RSU1: variants seen among roughly 807,000 people sequenced by gnomAD.
RSU1 encodes Ras suppressor protein 1.
Under a neutral mutation model 31.1 loss-of-function variants are expected in RSU1, and 26 were observed. That is an observed-to-expected ratio of 0.84 (90% CI 0.61 to 1.16). The LOEUF (loss-of-function observed/expected upper bound fraction) is 1.16. Among genes scored for constraint, RSU1 ranks in the 50% most tolerant of loss-of-function variants. RSU1 has a pLI of 0.00. For missense variants in RSU1, 320 were observed against 339.1 expected (o/e 0.94, Z 0.44); for synonymous variants, 164 against 136.3 (o/e 1.20, Z -1.41).
At chr10:16,697,387 T>G (rs555744980) in intron 7 of RSU1, among the ~76,000 whole-genome samples, 1 of 152,328 alleles carries the variant, frequency 6.6e-6, no homozygotes, top group Non-Finnish European at 1.5e-5. Flanking sequence ...CCAGGAGTGG[T>G]GGCTGATGCC....
chr10:16,686,502 T>A (rs1171154689), intron 8 of RSU1, among the ~76,000 whole-genome samples: 1 of 152,218 alleles, frequency 6.6e-6, no homozygotes, highest in Non-Finnish European at 1.5e-5. Flanking sequence ...GAAGAGAATG[T>A]AACCTGACAC....
intron 7 of RSU1, among the ~76,000 whole-genome samples, chr10:16,723,717 C>G (rs910229569): frequency 5.9e-5 from 9 of 152,044 alleles, no homozygotes; most frequent in African/African-American, 2.2e-4. Context: ...TAACACAGGA[C>G]AGTGGACAGC....
intron 8 of RSU1, 44 bp downstream of exon 8, chr10:16,694,979 A>G (rs777612664): frequency 3.9e-6 from 6 of 1,545,028 alleles, no homozygotes; most frequent in Admixed American, 3.7e-5. Context: ...TATAAATACT[A>G]TAAAATCACA....
rs111512316 is a variant in RSU1 at position 16,755,562 on chromosome 10, C to T, written c.282-573G>A. ...GGTTTAAATCATACTATTTAACACA[C>T]GCGCTGCCTCATATGCTTGTCATTT... On this transcript the variant is annotated intron_variant, in intron 4 of 8. Coordinates refer to ENST00000345264, the MANE Select transcript of RSU1 (RefSeq NM_012425.4). Among the ~76,000 whole-genome samples the T allele has an allele frequency of 4.6e-5, 7 of 152,050 alleles. No individual in the cohort carries two copies. In the East Asian group the frequency reaches 5.8e-4, roughly 13 times the overall value.
At chr10:16,609,763 A>G (rs1833863845) in intron 8 of RSU1, among the ~76,000 whole-genome samples, 1 of 152,218 alleles carries the variant, frequency 6.6e-6, no homozygotes, top group Non-Finnish European at 1.5e-5. Context: ...CTCCCCAAAA[A>G]GGTAAAACAA....
At chr10:16,680,990 C>T (rs981681238) in intron 8 of RSU1, among the ~76,000 whole-genome samples, 1 of 152,152 alleles carries the variant, frequency 6.6e-6, no homozygotes, top group Non-Finnish European at 1.5e-5. Flanking sequence ...ATAGGCTTAA[C>T]ATTGGGAAAT....
chr10:16,723,613 C>G (rs1018096509), intron 7 of RSU1, among the ~76,000 whole-genome samples: 2 of 152,172 alleles, frequency 1.3e-5, no homozygotes, highest in East Asian at 3.9e-4. Flanking sequence ...TAGTCGCATA[C>G]TATAGTTTAC....
At chr10:16,739,318 A>G (rs925186521) in intron 7 of RSU1, among the ~76,000 whole-genome samples, 2 of 151,498 alleles carry the variant, frequency 1.3e-5, no homozygotes, top group East Asian at 3.9e-4. Flanking sequence ...ACTAATTTAT[A>G]CTCCCACCAA....
chr10:16,793,442 A>G (rs551519472), intron 2 of RSU1, among the ~76,000 whole-genome samples: 8 of 152,188 alleles, frequency 5.3e-5, no homozygotes, highest in Non-Finnish European at 1.2e-4. Context: ...TGAGCTGGTC[A>G]CTAATTGGAG....
At chr10:16,796,847 G>C (rs151329522) in intron 2 of RSU1, among the ~76,000 whole-genome samples, 5 of 152,114 alleles carry the variant, frequency 3.3e-5, no homozygotes, top group African/African-American at 1.2e-4. Context: ...AGGTTATAAA[G>C]TGTCCCCACA....
chr10:16,694,453 C>G (rs1835632322), intron 8 of RSU1, among the ~76,000 whole-genome samples: 1 of 152,154 alleles, frequency 6.6e-6, no homozygotes, highest in Non-Finnish European at 1.5e-5. Flanking sequence ...TCCTTAGTGC[C>G]ATGAATATTC....
At chr10:16,681,303 T>C (rs1226622331) in intron 8 of RSU1, among the ~76,000 whole-genome samples, 2 of 152,226 alleles carry the variant, frequency 1.3e-5, no homozygotes, top group African/African-American at 4.8e-5. Flanking sequence ...TCTCATAAAA[T>C]TGCTCTGGTG....
At chr10:16,760,559 T>C (rs1464316463) in intron 4 of RSU1, among the ~76,000 whole-genome samples, 2 of 151,388 alleles carry the variant, frequency 1.3e-5, no homozygotes, top group East Asian at 3.9e-4. Flanking sequence ...TGTCCTCTGC[T>C]GCCTCAAACC....
intron 7 of RSU1, among the ~76,000 whole-genome samples, chr10:16,733,283 G>C (rs530110506): frequency 2.7e-4 from 40 of 147,650 alleles, no homozygotes; most frequent in Admixed American, 6.9e-4. Flanking sequence ...CTGAGGTCAG[G>C]AGTTCAATAC....
chr10:16,786,992 G>C (rs147993175), intron 2 of RSU1, among the ~76,000 whole-genome samples: 5 of 152,194 alleles, frequency 3.3e-5, no homozygotes, highest in African/African-American at 1.2e-4. Flanking sequence ...GGTGCGGATC[G>C]GATCGATGCC....
intron 2 of RSU1, among the ~76,000 whole-genome samples, chr10:16,785,852 G>C (rs1837781534): frequency 6.6e-6 from 1 of 152,074 alleles, no homozygotes. Flanking sequence ...TTCCCCTCTT[G>C]TAATTAGTAA....
intron 3 of RSU1, among the ~76,000 whole-genome samples, chr10:16,766,829 C>T (rs968418626): frequency 4.6e-5 from 7 of 150,650 alleles, no homozygotes; most frequent in South Asian, 2.1e-4. Flanking sequence ...GCCTGGCCGA[C>T]GTGGTGAAAC....
chr10:16,691,755 AAC>A (rs1361625777), intron 8 of RSU1, among the ~76,000 whole-genome samples: 1 of 120,988 alleles, frequency 8.3e-6, no homozygotes, highest in East Asian at 2.4e-4. Flanking sequence ...TTTTGTTTGA[AAC>A]ACAGTTTCAC....
At chr10:16,626,093 G>A (rs151183457) in intron 8 of RSU1, among the ~76,000 whole-genome samples, 4 of 151,608 alleles carry the variant, frequency 2.6e-5, no homozygotes, top group African/African-American at 9.7e-5. Flanking sequence ...TGCCCAGGCT[G>A]GAGTGCCAAT....
Sources: gnomAD v4.1 joint callset for allele counts (sites outside exome capture counted in the v4.1 genomes callset) on GRCh38, gnomAD v4.1.1 for gene constraint, MANE v1.5 for transcripts, NCBI Gene and HGNC (gene_info 2026-07-23, HGNC 2026-07-21) for gene names.